The following CLPB variants were observed in gnomAD, a reference collection of about 807,000 sequenced individuals.
CLPB encodes mitochondrial disaggregase.
A neutral mutation model predicts 78.4 loss-of-function variants in CLPB; 40 were observed. That is an observed-to-expected ratio of 0.51 (90% CI 0.40 to 0.66). The LOEUF is 0.66. Ranked by LOEUF, CLPB falls within the 30% of genes least tolerant of loss-of-function variation. The pLI, the probability that CLPB is intolerant of heterozygous loss-of-function variation, is 0.00. For missense variants in CLPB, 780 were observed against 886.9 expected (o/e 0.88, Z 1.53); for synonymous variants, 333 against 348.0 (o/e 0.96, Z 0.48).
intron 5 of CLPB, among the ~76,000 whole-genome samples, chr11:72,338,759 A>T (rs1055881763): frequency 2.0e-5 from 3 of 152,232 alleles, no homozygotes; most frequent in Non-Finnish European, 4.4e-5. Flanking sequence ...GTGAATGGCT[A>T]GAAAAGGAAT....
intron 2 of CLPB, among the ~76,000 whole-genome samples, chr11:72,417,892 C>T (rs1215469641): frequency 1.3e-5 from 2 of 152,138 alleles, no homozygotes; most frequent in African/African-American, 4.8e-5. Context: ...TTGGGAATTC[C>T]GGGGGCCTCC....
At chr11:72,377,677 G>GAAGGGAAGGGGAAGGGA (rs1474506109) in intron 4 of CLPB, among the ~76,000 whole-genome samples, 1 of 150,222 alleles carries the variant, frequency 6.7e-6, no homozygotes, top group South Asian at 2.1e-4. Context: ...AAGGGAAGGG[G>GAAGGGAAGGGGAAGGGA]AAGGGAAGGG....
rs909507763 is a variant in CLPB at position 72,317,164 on chromosome 11, C to T, written c.930G>A (p.Glu310=). The change falls in exon 7 of 16, where the codon GAG becomes GAA. Residue 310 remains glutamate (E), a synonymous_variant. Coordinates refer to ENST00000538039, the MANE Select transcript of CLPB (RefSeq NM_001258392.3). ...CAATGATGTGCTCCTTTAGTCGCTG[C>T]TCCAGGGGGAAGCGGCGCCGCTCCT... is the stretch of plus-strand genomic sequence containing the variant. ...EAEERRRFPL[E]QRLKEHIIGQ... is the part of the protein sequence containing the mutation. 1 of 1,612,484 alleles carries T rather than the reference C, an allele frequency of 6.2e-7. No individual in the cohort carries two copies. The highest frequency in any genetic ancestry group is 1.3e-5 in the African/African-American group (1 of 74,880).
Position 72,288,386 on chromosome 11 carries a change from G to A in CLPB, c.*4981C>T, listed in dbSNP as rs1949414208. Reference sequence around the variant, plus strand: ...TATGCCTGTAGTCCCAGCTACTGAGGAGGCTGAGGCATGAGACCTGCTTGA... The same window carrying A: ...TATGCCTGTAGTCCCAGCTACTGAGAAGGCTGAGGCATGAGACCTGCTTGA... On this transcript the variant is annotated 3_prime_UTR_variant, in exon 16 of 16. Coordinates refer to ENST00000538039, the MANE Select transcript of CLPB (RefSeq NM_001258392.3). The A allele has an allele frequency of 6.6e-6, 1 of 152,188 alleles. No homozygotes were observed. Among genetic ancestry groups the A allele is most frequent in the African/African-American group, 2.4e-5 (1 of 41,424 alleles). 9.4% of individuals were successfully genotyped at this position (152,188 alleles called of 1,614,324 possible).
chr11:72,387,708 T>C (rs1376263335), intron 3 of CLPB, among the ~76,000 whole-genome samples: 2 of 151,952 alleles, frequency 1.3e-5, no homozygotes, highest in Non-Finnish European at 2.9e-5. Flanking sequence ...TCTGTTTGTA[T>C]AATCTCAGCA....
intron 5 of CLPB, chr11:72,336,906 G>A (rs755581067): frequency 2.3e-5 from 9 of 393,160 alleles, no homozygotes; most frequent in African/African-American, 4.1e-5. Flanking sequence ...TGGTCTCTCC[G>A]ATTACCCAGA....
chr11:72,293,390 CAG>C lies in CLPB; in HGVS notation c.2009_2010del (p.Pro670ArgfsTer22). 1 of 1,614,062 alleles carries C rather than the reference CAG, an allele frequency of 6.2e-7. No individual in the cohort carries two copies. The highest frequency in any genetic ancestry group is 1.3e-5 in the African/African-American group (1 of 75,048). On this transcript the variant is annotated frameshift_variant, in exon 16 of 16. Coordinates refer to ENST00000538039, the MANE Select transcript of CLPB (RefSeq NM_001258392.3). LOFTEE classifies it high-confidence loss of function. ...RRLDIRAPLH[P>X]EKVCNTI ...TGCTAGATGGTGTTGCACACCTTCT[CAG>C]GGTGCAGTGGTGCCCGGATGTCCAG...
chr11:72,387,678 C>T (rs894273404), intron 3 of CLPB, among the ~76,000 whole-genome samples: 2 of 151,650 alleles, frequency 1.3e-5, no homozygotes, highest in Non-Finnish European at 2.9e-5. Flanking sequence ...AAAAGCTCCA[C>T]AAATCTAAGC....
In CLPB at chr11:72,294,089, CG is replaced by C; in HGVS notation, c.1717del (p.Arg573AlafsTer24). On this transcript the variant is annotated frameshift_variant, in exon 15 of 16. Transcript: ENST00000538039. LOFTEE classifies it high-confidence loss of function. ...GTCGACCAGCACATCTGCCACCTCG[CG>C]GTCCCAGAGCAGCGTGATGTTGTGC... is the stretch of plus-strand genomic sequence containing the variant. ...QRHNITLLWD[R>X]EVADVLVDGY... 1 of 1,614,118 alleles carries C rather than the reference CG, an allele frequency of 6.2e-7. No individual in the cohort carries two copies. Among genetic ancestry groups the C allele is most frequent in the Non-Finnish European group, 8.5e-7 (1 of 1,180,004 alleles).
At chr11:72,380,484 C>T in intron 3 of CLPB, 100 bp from the exon 4 acceptor site, 1 of 856,536 alleles carries the variant, frequency 1.2e-6, no homozygotes, top group Non-Finnish European at 1.9e-6. Flanking sequence ...GCTGTCTCTG[C>T]TCATGTGAGT....
intron 5 of CLPB, among the ~76,000 whole-genome samples, chr11:72,357,844 C>G (rs1950749764): frequency 6.6e-6 from 1 of 152,024 alleles, no homozygotes; most frequent in African/African-American, 2.4e-5. Context: ...CAGAGTGGCC[C>G]AGAGACCTTT....
At chr11:72,383,490 C>G (rs1259184642) in intron 3 of CLPB, among the ~76,000 whole-genome samples, 1 of 147,350 alleles carries the variant, frequency 6.8e-6, no homozygotes, top group Non-Finnish European at 1.5e-5. Flanking sequence ...AAGATCGCAC[C>G]ACTGCATTCC....
At chr11:72,351,275 G>A (rs541655072) in intron 5 of CLPB, 1 of 152,340 alleles carries the variant, frequency 6.6e-6, no homozygotes, top group East Asian at 1.9e-4. Flanking sequence ...GCCACACAGT[G>A]TGACTATATT....
At chr11:72,302,122 CTA>C in intron 10 of CLPB, 158 bp from the exon 11 acceptor site, 3 of 984,296 alleles carry the variant, frequency 3.0e-6, no homozygotes, top group Non-Finnish European at 3.0e-6. Context: ...TAGATCTTCT[CTA>C]TGTTTATTCT....
Position 72,288,057 on chromosome 11 carries a change from GTTT to G in CLPB, c.*5307_*5309del, listed in dbSNP as rs1052098574. The G allele has an allele frequency of 6.6e-6, 1 of 151,426 alleles. No homozygotes were observed. Among genetic ancestry groups the G allele is most frequent in the Non-Finnish European group, 1.5e-5 (1 of 67,812 alleles). The allele number at this position is 151,426 out of a possible 1,614,324, so 9.4% of individuals were successfully genotyped here. A position where few individuals can be genotyped will look rare whatever the true frequency, so the allele number is the denominator to read the frequency against. ...TGTTTCTTTCCTAAATTTCTTTCTTGTTTTTCTTCTTTCACTATATTGAGGAAT... is the reference window on the plus strand; with the variant it reads ...TGTTTCTTTCCTAAATTTCTTTCTTGTTCTTCTTTCACTATATTGAGGAAT... On this transcript the variant is annotated 3_prime_UTR_variant, in exon 16 of 16. Coordinates refer to ENST00000538039, the MANE Select transcript of CLPB (RefSeq NM_001258392.3).
chr11:72,395,693 G>C (rs888059332), intron 3 of CLPB, among the ~76,000 whole-genome samples: 2 of 152,184 alleles, frequency 1.3e-5, no homozygotes, highest in African/African-American at 4.8e-5. Flanking sequence ...TCTACAGCAC[G>C]AAGCCAGACC....
intron 6 of CLPB, among the ~76,000 whole-genome samples, chr11:72,328,250 A>C (rs1950163418): frequency 1.3e-5 from 2 of 152,184 alleles, no homozygotes; most frequent in Admixed American, 6.5e-5. Flanking sequence ...GGGATCCCTA[A>C]GTGCCTAGGA....
Position 72,288,046 on chromosome 11 carries a change from ATTTC to A in CLPB, c.*5317_*5320del, listed in dbSNP as rs1326500872. 3.3e-5 allele frequency: 5 copies of A among 151,552 alleles called. No individual in the cohort carries two copies. Among genetic ancestry groups the A allele is most frequent in the African/African-American group, 9.7e-5 (4 of 41,298 alleles). 9.4% of individuals were successfully genotyped at this position (151,552 alleles called of 1,614,324 possible). A position where few individuals can be genotyped will look rare whatever the true frequency, so the allele number is the denominator to read the frequency against. ...TGGTTTAAGTGTGTTTCTTTCCTAAATTTCTTTCTTGTTTTTCTTCTTTCACTAT... is the reference window on the plus strand; with the variant it reads ...TGGTTTAAGTGTGTTTCTTTCCTAAATTTCTTGTTTTTCTTCTTTCACTAT... On this transcript the variant is annotated 3_prime_UTR_variant, in exon 16 of 16. Coordinates refer to ENST00000538039, the MANE Select transcript of CLPB (RefSeq NM_001258392.3).
In CLPB at chr11:72,345,728, T is replaced by C. The variant is rs115733462; in HGVS notation, c.775+13152A>G. ...GAAAAATCCTAAAACTGAGAGCAAA[T>C]TGAAAAATTAACCCAACTGTATTTC... On this transcript the variant is annotated intron_variant, in intron 5 of 15. Transcript: ENST00000538039. 2.6e-3 allele frequency among the ~76,000 whole-genome samples: 402 copies of C among 152,136 alleles called. 2 individuals are homozygous for C. Among genetic ancestry groups the C allele is most frequent in the African/African-American group, 9.2e-3 (381 of 41,478 alleles).
Sources: gnomAD v4.1 joint callset for allele counts (sites outside exome capture counted in the v4.1 genomes callset) on GRCh38, gnomAD v4.1.1 for gene constraint, MANE v1.5 for transcripts, NCBI Gene and HGNC (gene_info 2026-07-23, HGNC 2026-07-21) for gene names.